Variants in EPSTI1 observed in about 807,000 individuals in gnomAD.
The protein encoded by EPSTI1 is epithelial stromal interaction 1, also known as epithelial-stromal interaction protein 1.
EPSTI1 carries 66 observed loss-of-function variants against 49.9 expected under a neutral mutation model. The ratio of observed to expected loss-of-function variants is 1.32; its 90% confidence interval spans 1.08 to 1.62. The LOEUF is 1.62. EPSTI1 is among the 40% of genes most tolerant of loss of function. The probability of loss-of-function intolerance (pLI) is 0.00; values close to 1 mark genes in which losing one functional copy is unlikely to be tolerated. For missense variants in EPSTI1, 394 were observed against 365.5 expected (o/e 1.08, Z -0.64); for synonymous variants, 137 against 130.7 (o/e 1.05, Z -0.33).
chr13:42,895,839 T>C (rs1025653106), intron 9 of EPSTI1, among the ~76,000 whole-genome samples: 2 of 152,130 alleles, frequency 1.3e-5, no homozygotes, highest in African/African-American at 4.8e-5. Context: ...ATCAACAGAT[T>C]ATTTAGGAAG....
intron 6 of EPSTI1, among the ~76,000 whole-genome samples, chr13:42,933,312 TAA>T (rs1178617129): frequency 0.031 from 2,432 of 77,262 alleles, 70 homozygotes; most frequent in African/African-American, 0.084. Flanking sequence ...ACATAAAAAG[TAA>T]AAAAAAAAAA....
chr13:42,988,463 T>TG lies in EPSTI1; in HGVS notation c.188+3514dup, dbSNP rs577441762. On this transcript the variant is annotated intron_variant, in intron 1 of 10. Transcript: ENST00000313624. ...AGAACTCAATCTTGGCCAGGCGCGG[T>TG]GGCTCACGCCTGTAATCCCAGCACT... 2.8e-3 allele frequency among the ~76,000 whole-genome samples: 419 copies of TG among 152,282 alleles called. 3 individuals are homozygous for TG. The highest frequency in any genetic ancestry group is 4.3e-3 in the Admixed American group (66 of 15,304).
At chr13:42,943,426 T>C (rs1347494347) in intron 6 of EPSTI1, among the ~76,000 whole-genome samples, 2 of 152,244 alleles carry the variant, frequency 1.3e-5, no homozygotes, top group East Asian at 1.9e-4. Context: ...GGATCTCTTA[T>C]GTGGATTGTA....
rs2036892466 is a variant in EPSTI1, at chr13:42,887,344, G to GA, written c.*1149_*1150insT. The GA allele has an allele frequency of 2.0e-5, 3 of 152,238 alleles. No individual in the cohort carries two copies. Among genetic ancestry groups the GA allele is most frequent in the East Asian group, 3.9e-4 (2 of 5,182 alleles). 9.4% of individuals were successfully genotyped at this position (152,238 alleles called of 1,614,324 possible). ...CTTGCCTAGCTCTGCGAACCCCTCAGTTATGTCTCTTGGCCCAAGAATTTC... is the reference window on the plus strand; with the variant it reads ...CTTGCCTAGCTCTGCGAACCCCTCAGATTATGTCTCTTGGCCCAAGAATTTC... On this transcript the variant is annotated 3_prime_UTR_variant, in exon 11 of 11. Transcript: ENST00000313624.
At chr13:42,954,111 G>T in intron 5 of EPSTI1, 90 bp from the exon 6 acceptor site, 1 of 1,069,986 alleles carries the variant, frequency 9.3e-7, no homozygotes, top group Non-Finnish European at 1.4e-6. Context: ...AAATCCTAAG[G>T]TTCAACTGGC....
At chr13:42,989,627 T>G (rs1490767223) in intron 1 of EPSTI1, among the ~76,000 whole-genome samples, 1 of 135,006 alleles carries the variant, frequency 7.4e-6, no homozygotes, top group African/African-American at 2.7e-5. Flanking sequence ...AGAGTCTCAC[T>G]CTGTCGCCCA....
chr13:42,970,606 A>G lies in EPSTI1; in HGVS notation c.247+6T>C, dbSNP rs1421832881. 1 of 1,605,922 alleles carries G rather than the reference A, an allele frequency of 6.2e-7. No homozygotes were observed. Among genetic ancestry groups the G allele is most frequent in the Non-Finnish European group, 8.5e-7 (1 of 1,175,424 alleles). On this transcript the variant is annotated splice_donor_region_variant and intron_variant, in intron 2 of 10. Coordinates refer to ENST00000313624, the MANE Select transcript of EPSTI1 (RefSeq NM_033255.5). Reference sequence around the variant, plus strand: ...TTCTGAATGTTAAATGAATGACTATACATACTTCTTTGTATCTCATTTCTC... The same window carrying G: ...TTCTGAATGTTAAATGAATGACTATGCATACTTCTTTGTATCTCATTTCTC...
At chr13:42,970,098 C>T (rs1045344328) in intron 2 of EPSTI1, 1 of 152,244 alleles carries the variant, frequency 6.6e-6, no homozygotes, top group Non-Finnish European at 1.5e-5. Flanking sequence ...GTTAAATTTC[C>T]TACCAATCAT....
intron 6 of EPSTI1, among the ~76,000 whole-genome samples, chr13:42,950,650 T>C (rs761287297): frequency 1.1e-4 from 17 of 152,274 alleles, no homozygotes; most frequent in Middle Eastern, 3.4e-3. Flanking sequence ...TCCATGGTTG[T>C]CCTCTCTACA....
intron 6 of EPSTI1, among the ~76,000 whole-genome samples, chr13:42,931,246 C>T (rs946844413): frequency 6.9e-6 from 1 of 145,078 alleles, no homozygotes; most frequent in Non-Finnish European, 1.5e-5. Flanking sequence ...TCGCCCAGGC[C>T]GGACTGCGGA....
At chr13:42,944,013 G>A (rs2038844326) in intron 6 of EPSTI1, among the ~76,000 whole-genome samples, 1 of 152,148 alleles carries the variant, frequency 6.6e-6, no homozygotes, top group Admixed American at 6.5e-5. Flanking sequence ...AAAAAGTCAG[G>A]AAAAAACAGT....
intron 1 of EPSTI1, among the ~76,000 whole-genome samples, chr13:42,987,661 C>T (rs1411552064): frequency 6.6e-6 from 1 of 152,120 alleles, no homozygotes; most frequent in Admixed American, 6.5e-5. Context: ...CATGTGGCCC[C>T]AGGAAGCCAA....
In EPSTI1 at chr13:42,931,565, A is replaced by G. The variant is rs566653814; in HGVS notation, c.564-5136T>C. On this transcript the variant is annotated intron_variant, in intron 6 of 10. Coordinates refer to ENST00000313624, the MANE Select transcript of EPSTI1 (RefSeq NM_033255.5). ...AACCTGACTCAAACATCAGCCCTGGATCATTCCACAAGAAAGATATAAACT... is the reference window on the plus strand; with the variant it reads ...AACCTGACTCAAACATCAGCCCTGGGTCATTCCACAAGAAAGATATAAACT... Among the ~76,000 whole-genome samples the G allele has an allele frequency of 5.3e-5, 8 of 152,358 alleles. No individual in the cohort carries two copies. The South Asian group carries it at 1.7e-3, about 32-fold the overall frequency.
intron 6 of EPSTI1, among the ~76,000 whole-genome samples, chr13:42,939,845 C>T (rs2153425227): frequency 6.6e-6 from 1 of 152,320 alleles, no homozygotes; most frequent in African/African-American, 2.4e-5. Context: ...AATGAAATAT[C>T]TGTGAGGTGC....
chr13:42,928,113 T>C (rs549586128), intron 6 of EPSTI1, among the ~76,000 whole-genome samples: 105 of 152,236 alleles, frequency 6.9e-4, no homozygotes, highest in Non-Finnish European at 1.3e-3. Flanking sequence ...GCCCCACTCA[T>C]GCCGCAGGAT....
chr13:42,937,161 G>T (rs988727785), intron 6 of EPSTI1, among the ~76,000 whole-genome samples: 1 of 152,102 alleles, frequency 6.6e-6, no homozygotes, highest in Non-Finnish European at 1.5e-5. Flanking sequence ...AGTCTCTTAG[G>T]TGTGCAATAG....
At chr13:42,936,408 C>T (rs1425973671) in intron 6 of EPSTI1, among the ~76,000 whole-genome samples, 2 of 152,186 alleles carry the variant, frequency 1.3e-5, no homozygotes, top group African/African-American at 4.8e-5. Flanking sequence ...ATCATCATAC[C>T]CAAATCATTT....
intron 1 of EPSTI1, among the ~76,000 whole-genome samples, chr13:42,976,713 A>T (rs1566176393): frequency 2.0e-5 from 3 of 152,236 alleles, no homozygotes; most frequent in Admixed American, 6.5e-5. Context: ...GAACACTTAG[A>T]AATGAAATTC....
chr13:42,936,319 C>G (rs1269645003), intron 6 of EPSTI1, among the ~76,000 whole-genome samples: 1 of 152,148 alleles, frequency 6.6e-6, no homozygotes. Context: ...TCAAATTATT[C>G]AAGAGTTACT....
Sources: gnomAD v4.1 joint callset for allele counts (sites outside exome capture counted in the v4.1 genomes callset) on GRCh38, gnomAD v4.1.1 for gene constraint, MANE v1.5 for transcripts, NCBI Gene and HGNC (gene_info 2026-07-23, HGNC 2026-07-21) for gene names.